The following STAB2 variants were observed in gnomAD, a reference collection of about 807,000 sequenced individuals.
The protein encoded by STAB2 is stabilin 2, also known as stabilin-2.
A neutral mutation model predicts 338.1 loss-of-function variants in STAB2; 288 were observed. That is an observed-to-expected ratio of 0.85 (90% CI 0.77 to 0.94). The LOEUF (loss-of-function observed/expected upper bound fraction) is 0.94, where lower values mean the gene tolerates loss of function less well. Among genes scored for constraint, STAB2 ranks in the 40% least tolerant of loss-of-function variants. The pLI is 0.00. For synonymous variants in STAB2, 1,202 were observed against 1,193.3 expected (o/e 1.01, Z -0.15); for missense variants, 3,141 against 3,210.1 (o/e 0.98, Z 0.52).
At position 103,594,476 on chromosome 12, in the gene STAB2, G is replaced by C; in HGVS notation, c.297G>C (p.Arg99=). Residue 99 remains arginine (R), a synonymous_variant, in exon 3 of 69, where the codon CGG becomes CGC. Transcript: ENST00000388887. ...HICRKDYLQP[R]CCPGRWGPDC... is the part of the protein sequence containing the mutation. The stretch of plus-strand genomic sequence containing the variant: ...GTAGGAAGGACTATCTCCAACCTCG[G>C]TGTTGTCCTGGCCGCTGGGGCCCAG... 6.2e-7 allele frequency: 1 copy of C among 1,613,960 alleles called. No individual in the cohort carries two copies. The highest frequency in any genetic ancestry group is 1.1e-5 in the South Asian group (1 of 91,070).
intron 3 of STAB2, among the ~76,000 whole-genome samples, chr12:103,618,440 A>G (rs945689585): frequency 1.3e-5 from 2 of 152,202 alleles, no homozygotes; most frequent in Non-Finnish European, 1.5e-5. Context: ...TTTATAAGCC[A>G]CCCAGTCTAA....
chr12:103,704,623 T>A lies in STAB2; in HGVS notation c.3900+9T>A. ...TCGGAACTAAATCTCTAGTAAGTACTTTGTCTGTTTTGATAAAATAGTTTC... is the reference window on the plus strand; with the variant it reads ...TCGGAACTAAATCTCTAGTAAGTACATTGTCTGTTTTGATAAAATAGTTTC... On this transcript the variant is annotated intron_variant, in intron 36 of 68. Transcript: ENST00000388887. 1 of 1,613,136 alleles carries A rather than the reference T, an allele frequency of 6.2e-7. No individual in the cohort carries two copies. Among genetic ancestry groups the A allele is most frequent in the Non-Finnish European group, 8.5e-7 (1 of 1,179,580 alleles).
intron 45 of STAB2, among the ~76,000 whole-genome samples, chr12:103,725,522 G>A (rs1881112276): frequency 6.6e-6 from 1 of 152,240 alleles, no homozygotes; most frequent in African/African-American, 2.4e-5. Flanking sequence ...ACCATGGCGT[G>A]GATTGCAGTG....
intron 35 of STAB2, 121 bp from the exon 36 acceptor site, chr12:103,704,437 G>A: frequency 2.3e-6 from 2 of 872,466 alleles, no homozygotes; most frequent in South Asian, 3.5e-5. Flanking sequence ...GAACATTAAA[G>A]AGGCTGCCCA....
At chr12:103,717,209 G>A (rs1398487169) in intron 43 of STAB2, among the ~76,000 whole-genome samples, 3 of 152,176 alleles carry the variant, frequency 2.0e-5, no homozygotes, top group African/African-American at 7.2e-5. Flanking sequence ...CATGGGACAT[G>A]GGACCTTGTC....
chr12:103,625,605 C>T (rs1009652522), intron 5 of STAB2, among the ~76,000 whole-genome samples: 2 of 152,018 alleles, frequency 1.3e-5, no homozygotes, highest in Non-Finnish European at 1.5e-5. Flanking sequence ...TGAGAACATG[C>T]GGTGTTTGGT....
At chr12:103,726,230 T>C (rs1881194072) in intron 46 of STAB2, 67 bp downstream of exon 46, 2 of 1,554,434 alleles carry the variant, frequency 1.3e-6, no homozygotes, top group Non-Finnish European at 1.8e-6. Context: ...GGCTCACACC[T>C]GTAATTCCAA....
At chr12:103,726,980 AG>A (rs1388213569) in intron 46 of STAB2, among the ~76,000 whole-genome samples, 1 of 151,938 alleles carries the variant, frequency 6.6e-6, no homozygotes, top group African/African-American at 2.4e-5. Flanking sequence ...AAATAGTAAG[AG>A]CTGCTTCTAG....
chr12:103,633,890 C>T (rs191175219), intron 6 of STAB2, among the ~76,000 whole-genome samples: 2 of 152,184 alleles, frequency 1.3e-5, no homozygotes, highest in East Asian at 1.9e-4. Context: ...CTACAACCTA[C>T]GGGAGAAATT....
intron 44 of STAB2, among the ~76,000 whole-genome samples, 172 bp from the exon 45 acceptor site, chr12:103,724,803 A>G (rs537828205): frequency 6.6e-6 from 1 of 152,340 alleles, no homozygotes; most frequent in Non-Finnish European, 1.5e-5. Context: ...AGATGCCCCT[A>G]TGAGCATAGG....
chr12:103,591,400 G>A (rs985009688), intron 2 of STAB2, among the ~76,000 whole-genome samples: 2 of 152,094 alleles, frequency 1.3e-5, no homozygotes, highest in African/African-American at 4.8e-5. Flanking sequence ...CACGAGAATC[G>A]CTTGAACCCA....
rs1424999512 is a variant in STAB2 at position 103,637,097 on chromosome 12, A to G, written c.584-14A>G. ...TTCTACTAATGCAAGTACTTCAACA[A>G]TTTTCCTATGCAGCCATCCCTGAAT... On this transcript the variant is annotated splice_polypyrimidine_tract_variant and intron_variant, in intron 6 of 68. Transcript: ENST00000388887. 3 of 1,590,670 alleles carry G rather than the reference A, an allele frequency of 1.9e-6. No individual in the cohort carries two copies. The highest frequency in any genetic ancestry group is 1.2e-5 in the South Asian group (1 of 86,394).
At chr12:103,760,194 G>A (rs1310658278) in intron 65 of STAB2, among the ~76,000 whole-genome samples, 1 of 152,182 alleles carries the variant, frequency 6.6e-6, no homozygotes, top group East Asian at 1.9e-4. Context: ...AACCCTTCCT[G>A]CAACTGCCGT....
intron 6 of STAB2, 44 bp downstream of exon 6, chr12:103,631,737 G>A (rs1396266551): frequency 6.3e-7 from 1 of 1,580,318 alleles, no homozygotes; most frequent in Non-Finnish European, 8.7e-7. Context: ...GATCAAACAG[G>A]CACAAATGTA....
intron 5 of STAB2, among the ~76,000 whole-genome samples, chr12:103,624,334 A>G (rs180788641): frequency 6.6e-5 from 10 of 152,284 alleles, no homozygotes; most frequent in Non-Finnish European, 1.2e-4. Context: ...CAATGAATGA[A>G]TTATCTAGCT....
At chr12:103,644,873 T>C (rs1252185842) in intron 9 of STAB2, among the ~76,000 whole-genome samples, 4 of 152,260 alleles carry the variant, frequency 2.6e-5, no homozygotes, top group South Asian at 4.1e-4. Flanking sequence ...TGCCTTGATA[T>C]GATTATTATG....
At chr12:103,694,235 A>G (rs1037231194) in intron 31 of STAB2, among the ~76,000 whole-genome samples, 1 of 152,074 alleles carries the variant, frequency 6.6e-6, no homozygotes, top group African/African-American at 2.4e-5. Flanking sequence ...TAGAGAAAGG[A>G]GTGTCTTTTT....
At chr12:103,623,818 G>C (rs1957340218) in intron 5 of STAB2, among the ~76,000 whole-genome samples, 1 of 152,160 alleles carries the variant, frequency 6.6e-6, no homozygotes. Context: ...GCCACTTAGA[G>C]TGTTTATAGG....
chr12:103,695,692 C>G (rs1189265553), intron 32 of STAB2, 44 bp downstream of exon 32: 5 of 1,614,054 alleles, frequency 3.1e-6, no homozygotes, highest in Non-Finnish European at 4.2e-6. Context: ...TCAGGTTACC[C>G]AGGAACAGGA....
Sources: allele counts gnomAD v4.1 joint callset (sites outside exome capture counted in the v4.1 genomes callset), GRCh38; gene constraint gnomAD v4.1.1; transcripts MANE v1.5; gene names NCBI Gene and HGNC (gene_info 2026-07-23, HGNC 2026-07-21).